NBAS: variants seen among roughly 807,000 people sequenced by gnomAD.
NBAS encodes the protein NBAS subunit of NRZ tethering complex, also known as NAG/BC035112 fusion.
A neutral mutation model predicts 302.5 loss-of-function variants in NBAS; 219 were observed. That is an observed-to-expected ratio of 0.72 (90% CI 0.65 to 0.81). The LOEUF is 0.81. Ranked by LOEUF, NBAS falls within the 30% of genes least tolerant of loss-of-function variation. The pLI is 0.00. For synonymous variants in NBAS, 1,118 were observed against 1,021.6 expected, an observed-to-expected ratio of 1.09 and a Z score of -1.80; for missense variants, 2,932 against 2,841.6, an observed-to-expected ratio of 1.03 and a Z score of -0.72.
the NBAS span, among the ~76,000 whole-genome samples, chr2:14,873,966 G>C: frequency 2.0e-5 from 3 of 151,784 alleles, no homozygotes; most frequent in Non-Finnish European, 4.4e-5. Context: ...TGATAAATCA[G>C]CATAACAGAA....
At chr2:15,549,992 A>C (rs1271929134) in intron 6 of NBAS, among the ~76,000 whole-genome samples, 1 of 152,034 alleles carries the variant, frequency 6.6e-6, no homozygotes. Context: ...CGTCTCTACA[A>C]AAAATTTTAA....
rs1237835506 is a variant in NBAS at position 15,467,697 on chromosome 2, CTCT to C, written c.1982_1984del (p.Lys661del). ...GTTCACTAATTTCAGTAGTTCTTGTCTCTTCTTGAGCTCCTTTTCCTTTTTATT... is the reference window on the plus strand; with the variant it reads ...GTTCACTAATTTCAGTAGTTCTTGTCTCTTGAGCTCCTTTTCCTTTTTATT... On this transcript the variant is annotated inframe_deletion, in exon 18 of 52. Coordinates refer to ENST00000281513, the MANE Select transcript of NBAS (RefSeq NM_015909.4). 2 of 1,612,738 alleles carry C rather than the reference CTCT, an allele frequency of 1.2e-6. No homozygotes were observed. The highest frequency in any genetic ancestry group is 2.7e-5 in the African/African-American group (2 of 74,864).
chr2:15,247,723 C>CCTCTATCTATATATCTATATATAT (rs1668165997), intron 44 of NBAS, among the ~76,000 whole-genome samples: 1 of 86,226 alleles, frequency 1.2e-5, no homozygotes, highest in Non-Finnish European at 2.1e-5. Flanking sequence ...TCTATATATA[C>CCTCTATCTATATATCTATATATAT]CTCTATCTAT....
the NBAS span, among the ~76,000 whole-genome samples, chr2:15,098,590 A>ATATTGTATATAATGTATTATATATTG: frequency 8.6e-6 from 1 of 115,974 alleles, no homozygotes; most frequent in Admixed American, 1.0e-4. Context: ...ATTATATATT[A>ATATTGTATATAATGTATTATATATTG]TATATATTAT....
At chr2:15,046,098 T>C in the NBAS span, among the ~76,000 whole-genome samples, 2,945 of 152,292 alleles carry the variant, frequency 0.019, 88 homozygotes, top group African/African-American at 0.065. Context: ...CTTAGACTCC[T>C]CACAAGTCAT....
At chr2:14,861,753 T>A in the NBAS span, among the ~76,000 whole-genome samples, 1 of 151,246 alleles carries the variant, frequency 6.6e-6, no homozygotes, top group South Asian at 2.1e-4. Flanking sequence ...GTAAAATAGC[T>A]TGGATATACT....
chr2:15,332,190 G>T (rs1672385486), intron 35 of NBAS, among the ~76,000 whole-genome samples: 2 of 152,150 alleles, frequency 1.3e-5, no homozygotes, highest in South Asian at 4.1e-4. Context: ...CCATGAATGA[G>T]CACAGAAACA....
chr2:14,892,645 C>A, the NBAS span, among the ~76,000 whole-genome samples: 2 of 151,902 alleles, frequency 1.3e-5, no homozygotes, highest in Admixed American at 1.3e-4. Flanking sequence ...GTCTTTTCAG[C>A]ATCGATTGAT....
chr2:15,494,511 A>G (rs778979815), intron 11 of NBAS, among the ~76,000 whole-genome samples: 2 of 152,196 alleles, frequency 1.3e-5, no homozygotes, highest in Non-Finnish European at 2.9e-5. Context: ...TTCCAACAAC[A>G]TGTCTCATTC....
chr2:14,790,959 G>T, the NBAS span, among the ~76,000 whole-genome samples: 9 of 152,080 alleles, frequency 5.9e-5, no homozygotes, highest in Non-Finnish European at 1.0e-4. Flanking sequence ...AGGTTCAAGC[G>T]ATTCTCCTGC....
chr2:15,066,586 C>A, the NBAS span, among the ~76,000 whole-genome samples: 13,738 of 152,132 alleles, frequency 0.09, 848 homozygotes, highest in East Asian at 0.21. Flanking sequence ...ACATGTGAAC[C>A]ACAAGCACGT....
Position 15,456,431 on chromosome 2 carries a change from A to G in NBAS, c.2339+4770T>C, listed in dbSNP as rs541332604. 5.9e-5 allele frequency among the ~76,000 whole-genome samples: 9 copies of G among 152,312 alleles called. No homozygotes were observed. The South Asian group carries it at 1.9e-3, about 32-fold the overall frequency. ...AATCTAAAATTCTATCTACCCTTCT[A>G]TGCACTTAATTTGTGGTTCCTAAGT... On this transcript the variant is annotated intron_variant, in intron 21 of 51. Coordinates refer to ENST00000281513, the MANE Select transcript of NBAS (RefSeq NM_015909.4).
chr2:15,121,439 G>A, the NBAS span, among the ~76,000 whole-genome samples: 1 of 152,056 alleles, frequency 6.6e-6, no homozygotes, highest in East Asian at 1.9e-4. Context: ...GGGTAGCAAA[G>A]ACCAAAAACT....
intron 9 of NBAS, among the ~76,000 whole-genome samples, chr2:15,527,139 A>T (rs9287665): frequency 0.63 from 93,793 of 148,156 alleles, 30,459 homozygotes; most frequent in Non-Finnish European, 0.68. Flanking sequence ...TGAAGAAGAA[A>T]ACAAAATAGA....
chr2:15,402,664 T>C (rs890204465), intron 25 of NBAS, among the ~76,000 whole-genome samples: 1 of 152,226 alleles, frequency 6.6e-6, no homozygotes, highest in African/African-American at 2.4e-5. Context: ...TACAAAGTTA[T>C]ATAAAATTCC....
the NBAS span, among the ~76,000 whole-genome samples, chr2:15,004,543 C>T: frequency 6.6e-6 from 1 of 152,148 alleles, no homozygotes; most frequent in Non-Finnish European, 1.5e-5. Flanking sequence ...CACCCTCTGT[C>T]CAGACTGGGG....
At chr2:14,900,788 A>G in the NBAS span, among the ~76,000 whole-genome samples, 1 of 152,242 alleles carries the variant, frequency 6.6e-6, no homozygotes. Context: ...TGCACAGGGC[A>G]TAGTAACTAG....
At chr2:15,136,448 T>G in the NBAS span, among the ~76,000 whole-genome samples, 2 of 152,178 alleles carry the variant, frequency 1.3e-5, no homozygotes, top group Non-Finnish European at 2.9e-5. Flanking sequence ...AGACAATAGG[T>G]CAATGGATGA....
intron 9 of NBAS, among the ~76,000 whole-genome samples, chr2:15,520,939 G>A (rs565075032): frequency 6.6e-6 from 1 of 152,296 alleles, no homozygotes; most frequent in Non-Finnish European, 1.5e-5. Context: ...TAGCAGTTAT[G>A]AAACCATCTC....
Sources: gnomAD v4.1 joint callset for allele counts (sites outside exome capture counted in the v4.1 genomes callset) on GRCh38, gnomAD v4.1.1 for gene constraint, MANE v1.5 for transcripts, NCBI Gene and HGNC (gene_info 2026-07-23, HGNC 2026-07-21) for gene names.